RBFOX1: variants seen among roughly 807,000 people sequenced by gnomAD.
The protein encoded by RBFOX1 is RNA binding protein fox-1 homolog 1.
A neutral mutation model predicts 57.7 loss-of-function variants in RBFOX1; 8 were observed. That is an observed-to-expected ratio of 0.14 (90% CI 0.08 to 0.25). RBFOX1 has a LOEUF of 0.25. Among genes scored for constraint, RBFOX1 ranks in the 10% least tolerant of loss-of-function variants. The probability of loss-of-function intolerance (pLI) is 1.00; values close to 1 mark genes in which losing one functional copy is unlikely to be tolerated. For synonymous variants in RBFOX1, 326 were observed against 222.4 expected, an observed-to-expected ratio of 1.47 and a Z score of -4.15; for missense variants, 611 against 548.5, an observed-to-expected ratio of 1.11 and a Z score of -1.14.
At chr16:6,715,643 C>G (rs141656166) in intron 3 of RBFOX1, among the ~76,000 whole-genome samples, 1 of 152,196 alleles carries the variant, frequency 6.6e-6, no homozygotes, top group South Asian at 2.1e-4. Flanking sequence ...ATCTCCTATC[C>G]GGATAAAGAT....
At position 6,251,478 on chromosome 16, in the gene RBFOX1, A is replaced by G. The variant is rs560243892; in HGVS notation, c.-126-65517A>G. 5.3e-5 allele frequency among the ~76,000 whole-genome samples: 8 copies of G among 152,264 alleles called. No homozygotes were observed. The South Asian group carries it at 1.7e-3, about 32-fold the overall frequency. On this transcript the variant is annotated intron_variant, in intron 1 of 15. Transcript: ENST00000550418. ...CCCCTTGCTTTCTTTTCATTGCAGC[A>G]GCCTAAGAACCAAAAGTTAGATATT...
chr16:5,772,820 G>A (rs1349033361), intron 3 of RBFOX1, among the ~76,000 whole-genome samples: 1 of 152,186 alleles, frequency 6.6e-6, no homozygotes, highest in Non-Finnish European at 1.5e-5. Context: ...AATGAATAGT[G>A]GGTGAAAAGC....
At chr16:6,807,016 C>G (rs762594670) in intron 3 of RBFOX1, among the ~76,000 whole-genome samples, 9 of 151,054 alleles carry the variant, frequency 6.0e-5, no homozygotes, top group Non-Finnish European at 1.0e-4. Context: ...GTATTTTTAG[C>G]AGAGATGGGG....
chr16:6,774,684 T>G (rs921512401), intron 3 of RBFOX1, among the ~76,000 whole-genome samples: 9 of 152,130 alleles, frequency 5.9e-5, no homozygotes, highest in Admixed American at 5.2e-4. Context: ...TAAATTAGCA[T>G]TAGCATTAAA....
chr16:6,175,270 C>G (rs977620942), intron 1 of RBFOX1, among the ~76,000 whole-genome samples: 8 of 152,144 alleles, frequency 5.3e-5, no homozygotes, highest in African/African-American at 1.9e-4. Context: ...TAAACATTTT[C>G]CGTAATACGT....
intron 4 of RBFOX1, among the ~76,000 whole-genome samples, chr16:5,895,351 C>A (rs1431251186): frequency 6.6e-6 from 1 of 152,212 alleles, no homozygotes; most frequent in African/African-American, 2.4e-5. Flanking sequence ...ATTACATTAT[C>A]TGTCTCAGAT....
intron 4 of RBFOX1, among the ~76,000 whole-genome samples, chr16:5,908,115 TATATACAC>T (rs1376023424): frequency 2.2e-5 from 3 of 137,670 alleles, no homozygotes; most frequent in African/African-American, 9.7e-5. Flanking sequence ...TATATACACA[TATATACAC>T]ATATATATAT....
At position 7,343,045 on chromosome 16, in the gene RBFOX1, G is replaced by T. The variant is rs529257860; in HGVS notation, c.28-175102G>T. 3.9e-5 allele frequency among the ~76,000 whole-genome samples: 6 copies of T among 152,272 alleles called. No homozygotes were observed. The South Asian group carries it at 1.2e-3, about 32-fold the overall frequency. On this transcript the variant is annotated intron_variant, in intron 4 of 15. Transcript: ENST00000550418. ...ACGGGGAGGGTGGACTTTGTAGGGG[G>T]AAGAGAGGCCTGTCCCCTCCGTTCC... is the stretch of plus-strand genomic sequence containing the variant.
intron 4 of RBFOX1, among the ~76,000 whole-genome samples, chr16:7,335,102 C>T (rs17143464): frequency 0.15 from 22,689 of 152,078 alleles, 2,642 homozygotes; most frequent in African/African-American, 0.33. Flanking sequence ...TAAAATCACC[C>T]CAGTGCAGTA....
At chr16:6,276,246 A>C (rs2075787959) in intron 1 of RBFOX1, among the ~76,000 whole-genome samples, 1 of 152,218 alleles carries the variant, frequency 6.6e-6, no homozygotes, top group South Asian at 2.1e-4. Flanking sequence ...TTTTAGATAA[A>C]TATGTCAAAT....
At chr16:5,674,283 G>T (rs372584185) in intron 3 of RBFOX1, among the ~76,000 whole-genome samples, 12 of 152,204 alleles carry the variant, frequency 7.9e-5, no homozygotes, top group African/African-American at 2.9e-4. Context: ...CAGAGAAGCT[G>T]TTTCTGAGTA....
chr16:6,057,825 GTTTTT>G (rs34335596), intron 1 of RBFOX1, among the ~76,000 whole-genome samples: 3 of 81,122 alleles, frequency 3.7e-5, no homozygotes, highest in Non-Finnish European at 6.5e-5. Flanking sequence ...TTTGCTATGG[GTTTTT>G]TTTTTTTTTT....
chr16:5,755,392 C>T (rs1248527189), intron 3 of RBFOX1, among the ~76,000 whole-genome samples: 1 of 152,126 alleles, frequency 6.6e-6, no homozygotes, highest in Non-Finnish European at 1.5e-5. Context: ...TTGGGTGAGG[C>T]CAAGACTGGG....
At chr16:6,758,869 C>T (rs185879731) in intron 3 of RBFOX1, among the ~76,000 whole-genome samples, 25 of 152,192 alleles carry the variant, frequency 1.6e-4, no homozygotes, top group Admixed American at 1.1e-3. Context: ...TAAGAAACCT[C>T]ATCCTAATAA....
intron 1 of RBFOX1, among the ~76,000 whole-genome samples, chr16:6,303,735 G>T (rs139553391): frequency 6.6e-6 from 1 of 151,828 alleles, no homozygotes; most frequent in Non-Finnish European, 1.5e-5. Flanking sequence ...CAGCACTTTG[G>T]GAGGCCGAGG....
intron 4 of RBFOX1, among the ~76,000 whole-genome samples, chr16:7,423,179 T>C (rs7192493): frequency 0.3 from 45,967 of 151,718 alleles, 8,264 homozygotes; most frequent in East Asian, 0.56. Context: ...ATTTTAATCA[T>C]AGACTTGGCC....
chr16:5,982,106 C>G (rs113080825), intron 4 of RBFOX1, among the ~76,000 whole-genome samples: 6 of 152,242 alleles, frequency 3.9e-5, no homozygotes, highest in African/African-American at 1.4e-4. Flanking sequence ...GGGCCAGAAG[C>G]CTTATAATGG....
intron 4 of RBFOX1, among the ~76,000 whole-genome samples, chr16:7,448,694 CA>C (rs2098827283): frequency 6.6e-6 from 1 of 152,140 alleles, no homozygotes; most frequent in African/African-American, 2.4e-5. Flanking sequence ...GGTGGCTCCC[CA>C]GCAATCCTGG....
intron 4 of RBFOX1, among the ~76,000 whole-genome samples, chr16:7,085,373 A>T (rs2059836040): frequency 6.6e-6 from 1 of 152,050 alleles, no homozygotes; most frequent in Admixed American, 6.6e-5. Context: ...AAAAATATAT[A>T]TGTGCAAGTT....
Sources: allele counts gnomAD v4.1 joint callset (sites outside exome capture counted in the v4.1 genomes callset), GRCh38; gene constraint gnomAD v4.1.1; transcripts MANE v1.5; gene names NCBI Gene and HGNC (gene_info 2026-07-23, HGNC 2026-07-21).